The following TENM1 variants were observed in gnomAD, a reference collection of about 807,000 sequenced individuals.
TENM1 encodes the protein teneurin-1.
In TENM1, 35 loss-of-function variants were observed where a neutral mutation model predicts 174.8. That is an observed-to-expected ratio of 0.20 (90% confidence interval 0.15 to 0.27). TENM1 has a LOEUF of 0.27. Ranked by LOEUF, TENM1 falls within the 10% of genes least tolerant of loss-of-function variation. The pLI is 1.00. For missense variants in TENM1, 1,633 were observed against 2,130.1 expected, an observed-to-expected ratio of 0.77 and a Z score of 4.59; for synonymous variants, 781 against 798.7, an observed-to-expected ratio of 0.98 and a Z score of 0.37.
chrX:124,496,243 G>A (rs1321272493), intron 20 of TENM1, among the ~76,000 whole-genome samples: 1 of 111,176 alleles, frequency 9.0e-6, no homozygotes, highest in Non-Finnish European at 1.9e-5. Context: ...AGACTTAAAC[G>A]TTAGACCTAA....
intron 1 of TENM1, among the ~76,000 whole-genome samples, chrX:124,941,702 C>G (rs770970767): frequency 5.4e-4 from 60 of 112,080 alleles, no homozygotes; most frequent in African/African-American, 1.9e-3. Flanking sequence ...TGCTTCCCTA[C>G]CTTCCTTTGT....
chrX:125,014,108 A>G, the TENM1 span, among the ~76,000 whole-genome samples: 1 of 112,005 alleles, frequency 8.9e-6, no homozygotes, highest in African/African-American at 3.2e-5. Context: ...AATTATAAAA[A>G]CTAATTCAAT....
At chrX:125,164,003 G>T in the TENM1 span, among the ~76,000 whole-genome samples, 1 of 111,871 alleles carries the variant, frequency 8.9e-6, no homozygotes, top group Non-Finnish European at 1.9e-5. Flanking sequence ...TTGCCTATAA[G>T]CCATGAAACA....
chrX:124,553,517 T>C (rs1260354582), intron 14 of TENM1, among the ~76,000 whole-genome samples: 2 of 101,519 alleles, frequency 2.0e-5, no homozygotes, highest in African/African-American at 7.3e-5. Context: ...AAAAAAAAAG[T>C]AGGTCTTATT....
At chrX:124,785,644 A>C (rs1049101632) in intron 3 of TENM1, among the ~76,000 whole-genome samples, 2 of 112,170 alleles carry the variant, frequency 1.8e-5, no homozygotes, top group African/African-American at 6.5e-5. Flanking sequence ...TTTATACATC[A>C]GTCTCAATTT....
In TENM1 at chrX:124,614,105, A is replaced by G. The variant is rs748141063; in HGVS notation, c.2077+27686T>C. On this transcript the variant is annotated intron_variant, in intron 11 of 31. Transcript: ENST00000422452. The stretch of plus-strand genomic sequence containing the variant: ...GTTGGGGTGGTGGCGTGGTATGTCA[A>G]TAGAGTTTGGCTGGTATGGCTGAGT... 7.2e-5 allele frequency among the ~76,000 whole-genome samples: 8 copies of G among 111,670 alleles called. No individual in the cohort carries two copies. In the East Asian group the frequency reaches 2.0e-3, roughly 28 times the overall value.
At chrX:124,845,737 A>G (rs904920576) in intron 3 of TENM1, among the ~76,000 whole-genome samples, 5 of 110,041 alleles carry the variant, frequency 4.5e-5, no homozygotes, top group Non-Finnish European at 9.5e-5. Context: ...AAGATAAGGT[A>G]GGGAAATTAC....
chrX:124,713,262 G>A lies in TENM1; in HGVS notation c.777-8011C>T, dbSNP rs1185733052. On this transcript the variant is annotated intron_variant, in intron 4 of 31. Transcript: ENST00000422452. The stretch of plus-strand genomic sequence containing the variant: ...GTCTAGATCGTTACTATCGTGATTT[G>A]CAAAAAAAATTTTTTTTTTTTTTGA... Among the ~76,000 whole-genome samples, 3 of 110,106 alleles carry A rather than the reference G, an allele frequency of 2.7e-5. No homozygotes were observed. In the Admixed American group the frequency reaches 2.9e-4, roughly 11 times the overall value.
chrX:124,654,855 T>C (rs1389321727), intron 6 of TENM1, among the ~76,000 whole-genome samples: 2 of 111,275 alleles, frequency 1.8e-5, no homozygotes, highest in Non-Finnish European at 3.8e-5. Context: ...TATGGGTGAT[T>C]CAAGTGAAAT....
intron 1 of TENM1, among the ~76,000 whole-genome samples, chrX:124,955,499 T>C (rs2058557794): frequency 9.0e-6 from 1 of 111,645 alleles, no homozygotes; most frequent in Admixed American, 9.6e-5. Context: ...TTCCTTTTTG[T>C]TCTTCTATGA....
chrX:125,182,057 C>A, the TENM1 span, among the ~76,000 whole-genome samples: 1 of 110,813 alleles, frequency 9.0e-6, no homozygotes, highest in Non-Finnish European at 1.9e-5. Flanking sequence ...TGAAGTGGGT[C>A]TTGATAGGTT....
chrX:124,763,279 G>A (rs1390628140), intron 3 of TENM1, among the ~76,000 whole-genome samples: 2 of 111,467 alleles, frequency 1.8e-5, no homozygotes, highest in South Asian at 3.7e-4. Flanking sequence ...GCAATGGTAC[G>A]AGGGAATGGC....
intron 5 of TENM1, among the ~76,000 whole-genome samples, chrX:124,676,635 A>C (rs896381388): frequency 6.5e-5 from 7 of 108,441 alleles, no homozygotes; most frequent in East Asian, 5.9e-4. Flanking sequence ...TTCCAAATTC[A>C]ATCAAGCACC....
intron 6 of TENM1, among the ~76,000 whole-genome samples, chrX:124,667,441 T>C (rs1197068991): frequency 9.1e-6 from 1 of 109,509 alleles, no homozygotes; most frequent in African/African-American, 3.3e-5. Flanking sequence ...AATACAAAAA[T>C]TAGCTGGATG....
intron 11 of TENM1, among the ~76,000 whole-genome samples, chrX:124,587,416 C>T (rs946850725): frequency 9.2e-6 from 1 of 108,141 alleles, no homozygotes; most frequent in African/African-American, 3.4e-5. Flanking sequence ...TTTGACAAAC[C>T]TGAGAAAAAC....
chrX:124,659,792 G>C (rs1166067560), intron 6 of TENM1, among the ~76,000 whole-genome samples: 1 of 111,542 alleles, frequency 9.0e-6, no homozygotes, highest in African/African-American at 3.3e-5. Context: ...TAGATCAATG[G>C]AATACAACTG....
chrX:124,502,122 C>A (rs1441803632), intron 19 of TENM1, among the ~76,000 whole-genome samples: 1 of 111,942 alleles, frequency 8.9e-6, no homozygotes, highest in Non-Finnish European at 1.9e-5. Flanking sequence ...TGCACAACTA[C>A]AAATTTACTA....
chrX:125,139,899 G>A, the TENM1 span, among the ~76,000 whole-genome samples: 4 of 106,166 alleles, frequency 3.8e-5, no homozygotes, highest in African/African-American at 1.4e-4. Context: ...GACAGAGAAT[G>A]AGAGAGAGAG....
rs749461266 is a variant in TENM1 at position 124,516,885 on chromosome X, C to T, written c.3301+3632G>A. Reference sequence around the variant, plus strand: ...GCAGCACTATTCACAATAGCAAAGACGTGGAATCACCCTAAATGCCCATCG... The same window carrying T: ...GCAGCACTATTCACAATAGCAAAGATGTGGAATCACCCTAAATGCCCATCG... On this transcript the variant is annotated intron_variant, in intron 18 of 31. Coordinates refer to ENST00000422452, the Ensembl canonical transcript of TENM1. Among the ~76,000 whole-genome samples the T allele has an allele frequency of 1.4e-4, 16 of 111,602 alleles. No homozygotes were observed. In the East Asian group the frequency reaches 1.7e-3, roughly 12 times the overall value.
Sources: gnomAD v4.1 joint callset for allele counts (sites outside exome capture counted in the v4.1 genomes callset) on GRCh38, gnomAD v4.1.1 for gene constraint, MANE v1.5 for transcripts, NCBI Gene and HGNC (gene_info 2026-07-23, HGNC 2026-07-21) for gene names.